Variants in PTPRD observed in about 807,000 individuals in gnomAD.
The protein encoded by PTPRD is receptor-type tyrosine-protein phosphatase delta.
In PTPRD, 34 loss-of-function variants were observed where a neutral mutation model predicts 214.5. The observed-to-expected ratio is 0.16, with a 90% CI of 0.12 to 0.21. The LOEUF (loss-of-function observed/expected upper bound fraction) is 0.21. Among genes scored for constraint, PTPRD ranks in the 10% least tolerant of loss-of-function variants. PTPRD has a pLI of 1.00. For missense variants in PTPRD, 2,545 were observed against 2,398.7 expected, an observed-to-expected ratio of 1.06 and a Z score of -1.27; for synonymous variants, 1,128 against 845.7, an observed-to-expected ratio of 1.33 and a Z score of -5.79.
At chr9:10,165,032 T>C (rs966301271) in intron 3 of PTPRD, among the ~76,000 whole-genome samples, 2 of 151,636 alleles carry the variant, frequency 1.3e-5, no homozygotes, top group African/African-American at 2.4e-5. Flanking sequence ...ATGGCCTGAA[T>C]CACATGTTTA....
At chr9:9,345,028 T>A (rs2048289626) in intron 9 of PTPRD, among the ~76,000 whole-genome samples, 1 of 152,066 alleles carries the variant, frequency 6.6e-6, no homozygotes, top group South Asian at 2.1e-4. Context: ...AGTCATATAT[T>A]TGAAGTTGGG....
At position 10,239,508 on chromosome 9, in the gene PTPRD, G is replaced by C. The variant is rs376953201; in HGVS notation, c.-545+101455C>G. Among the ~76,000 whole-genome samples, 87 of 151,990 alleles carry C rather than the reference G, an allele frequency of 5.7e-4. 2 individuals are homozygous for C. In the East Asian group the frequency reaches 0.016, roughly 28 times the overall value. ...TTTAAGTGGGGGATTTGTACTAATA[G>C]GGTTGAACTTACACTTCATTTCCAG... is the stretch of plus-strand genomic sequence containing the variant. On this transcript the variant is annotated intron_variant, in intron 3 of 45. Coordinates refer to ENST00000381196, the MANE Select transcript of PTPRD (RefSeq NM_002839.4).
intron 4 of PTPRD, among the ~76,000 whole-genome samples, chr9:10,016,347 G>T (rs1268878724): frequency 3.0e-5 from 4 of 134,530 alleles, no homozygotes; most frequent in Non-Finnish European, 6.6e-5. Context: ...TGAGATAGAT[G>T]ATAGAAAGAT....
intron 5 of PTPRD, among the ~76,000 whole-genome samples, chr9:9,929,826 C>A: frequency 7.7e-6 from 1 of 129,088 alleles, no homozygotes; most frequent in Non-Finnish European, 1.6e-5. Flanking sequence ...TCTACTTGTA[C>A]TACATCATGT....
At chr9:8,638,480 T>C (rs2096496699) in intron 12 of PTPRD, among the ~76,000 whole-genome samples, 1 of 152,200 alleles carries the variant, frequency 6.6e-6, no homozygotes, top group Non-Finnish European at 1.5e-5. Context: ...GTATGACATA[T>C]GAAATACATT....
chr9:8,743,324 C>T (rs1420939699), intron 11 of PTPRD, among the ~76,000 whole-genome samples: 1 of 152,134 alleles, frequency 6.6e-6, no homozygotes, highest in Admixed American at 6.6e-5. Flanking sequence ...TAAATATTGT[C>T]ACCAATTAAA....
intron 5 of PTPRD, among the ~76,000 whole-genome samples, chr9:9,770,540 C>T (rs933219008): frequency 8.5e-5 from 13 of 152,164 alleles, no homozygotes; most frequent in African/African-American, 2.6e-4. Flanking sequence ...TTTTTTGTCA[C>T]CATTTAATGT....
At chr9:8,589,706 TTG>T (rs1189630751) in intron 14 of PTPRD, among the ~76,000 whole-genome samples, 1 of 152,132 alleles carries the variant, frequency 6.6e-6, no homozygotes, top group Non-Finnish European at 1.5e-5. Flanking sequence ...ATCCTGGTAC[TTG>T]GTTGCGTTGG....
At chr9:10,396,162 T>C (rs1428966625) in intron 2 of PTPRD, among the ~76,000 whole-genome samples, 1 of 151,964 alleles carries the variant, frequency 6.6e-6, no homozygotes, top group Non-Finnish European at 1.5e-5. Flanking sequence ...CTCTATGTAA[T>C]GCAAGATGGA....
chr9:10,484,596 G>A (rs1222703209), intron 2 of PTPRD, among the ~76,000 whole-genome samples: 2 of 152,046 alleles, frequency 1.3e-5, no homozygotes, highest in Non-Finnish European at 2.9e-5. Flanking sequence ...GGGATAAGAT[G>A]ATATTTCATA....
chr9:8,834,482 T>G (rs1308509482), intron 11 of PTPRD, among the ~76,000 whole-genome samples: 1 of 152,164 alleles, frequency 6.6e-6, no homozygotes, highest in African/African-American at 2.4e-5. Flanking sequence ...GTTCACACAT[T>G]TAATTCCCAA....
chr9:8,955,454 G>C (rs1588817142), intron 11 of PTPRD, among the ~76,000 whole-genome samples: 1 of 151,686 alleles, frequency 6.6e-6, no homozygotes, highest in South Asian at 2.1e-4. Flanking sequence ...AAGGACAGGG[G>C]GAGAGCTCAT....
chr9:9,733,128 G>C (rs1299938994), intron 7 of PTPRD, among the ~76,000 whole-genome samples: 1 of 152,134 alleles, frequency 6.6e-6, no homozygotes, highest in African/African-American at 2.4e-5. Context: ...ACAGAAGCTT[G>C]CCTTCACTGT....
chr9:9,883,922 C>T (rs1370099013), intron 5 of PTPRD, among the ~76,000 whole-genome samples: 1 of 152,084 alleles, frequency 6.6e-6, no homozygotes, highest in Non-Finnish European at 1.5e-5. Context: ...CCTGGAAAGT[C>T]AAGCTGAATA....
rs532009242 is a variant in PTPRD at position 8,940,652 on chromosome 9, T to C, written c.-104+78045A>G. ...TCAATATCTGACCCTAAATTAGGAA[T>C]TTTACCTCCCACCTGGGAACTTTCT... On this transcript the variant is annotated intron_variant, in intron 11 of 45. Coordinates refer to ENST00000381196, the MANE Select transcript of PTPRD (RefSeq NM_002839.4). Among the ~76,000 whole-genome samples, 52 of 151,918 alleles carry C rather than the reference T, an allele frequency of 3.4e-4. 1 individual carries two copies. Among genetic ancestry groups the C allele is most frequent in the African/African-American group, 1.2e-3 (48 of 41,428 alleles).
intron 6 of PTPRD, among the ~76,000 whole-genome samples, chr9:9,765,259 G>A (rs995553186): frequency 6.6e-6 from 1 of 152,088 alleles, no homozygotes; most frequent in Non-Finnish European, 1.5e-5. Context: ...TCTTCCATAT[G>A]AGTAACACTG....
At chr9:9,849,056 CA>C (rs1490542787) in intron 5 of PTPRD, among the ~76,000 whole-genome samples, 3 of 151,350 alleles carry the variant, frequency 2.0e-5, no homozygotes, top group African/African-American at 7.3e-5. Context: ...CACTTAAATA[CA>C]TAGACACACC....
At chr9:8,717,795 A>G (rs1433608679) in intron 12 of PTPRD, among the ~76,000 whole-genome samples, 1 of 152,104 alleles carries the variant, frequency 6.6e-6, no homozygotes, top group Non-Finnish European at 1.5e-5. Flanking sequence ...AAGTTCCAAG[A>G]TCATTAGCTT....
intron 2 of PTPRD, among the ~76,000 whole-genome samples, chr9:10,580,026 G>C (rs1263847258): frequency 6.6e-6 from 1 of 152,094 alleles, no homozygotes; most frequent in Non-Finnish European, 1.5e-5. Flanking sequence ...GTTCTGAAAT[G>C]TATAGAAACC....
Sources: gnomAD v4.1 joint callset for allele counts (sites outside exome capture counted in the v4.1 genomes callset) on GRCh38, gnomAD v4.1.1 for gene constraint, MANE v1.5 for transcripts, NCBI Gene and HGNC (gene_info 2026-07-23, HGNC 2026-07-21) for gene names.